The following MACROD1 variants were observed in gnomAD, a reference collection of about 807,000 sequenced individuals.
The protein encoded by MACROD1 is ADP-ribose glycohydrolase MACROD1.
MACROD1 carries 31 observed loss-of-function variants against 41.4 expected under a neutral mutation model. The observed-to-expected ratio is 0.75, with a 90% CI of 0.56 to 1.01. The LOEUF is 1.01. Ranked by LOEUF, MACROD1 falls within the 50% of genes least tolerant of loss-of-function variation. The probability of loss-of-function intolerance (pLI) is 0.00; values close to 1 mark genes in which losing one functional copy is unlikely to be tolerated. For synonymous variants in MACROD1, 252 were observed against 203.4 expected (o/e 1.24, Z -2.03); for missense variants, 473 against 460.0 (o/e 1.03, Z -0.26).
chr11:64,041,990 G>C (rs1346137149), intron 3 of MACROD1, among the ~76,000 whole-genome samples: 2 of 152,024 alleles, frequency 1.3e-5, no homozygotes, highest in African/African-American at 2.4e-5. Context: ...GGGTTCAGTG[G>C]GGGGCAGTTA....
chr11:64,073,406 C>G (rs1467247426), intron 3 of MACROD1, among the ~76,000 whole-genome samples: 2 of 152,210 alleles, frequency 1.3e-5, no homozygotes, highest in African/African-American at 4.8e-5. Context: ...TCTTTGAACC[C>G]CACTTGCAAC....
At chr11:64,134,561 A>G (rs189448001) in intron 3 of MACROD1, among the ~76,000 whole-genome samples, 3 of 152,178 alleles carry the variant, frequency 2.0e-5, no homozygotes, top group Non-Finnish European at 4.4e-5. Context: ...CCTGGCATGA[A>G]GCAAGTATTT....
At chr11:64,151,465 G>A (rs551011944) in intron 2 of MACROD1, 110 bp from the exon 3 acceptor site, 3 of 747,222 alleles carry the variant, frequency 4.0e-6, no homozygotes, top group East Asian at 5.1e-5. Context: ...CCACCTCCAG[G>A]GGCAGCCTGC....
chr11:64,060,969 G>A (rs1189977069), intron 3 of MACROD1, among the ~76,000 whole-genome samples: 1 of 151,860 alleles, frequency 6.6e-6, no homozygotes, highest in Non-Finnish European at 1.5e-5. Flanking sequence ...CTCCCGGGCC[G>A]CCAGGCGACC....
chr11:64,057,312 G>A lies in MACROD1; in HGVS notation c.518-42031C>T, dbSNP rs186139691. 1.6e-4 allele frequency among the ~76,000 whole-genome samples: 25 copies of A among 152,318 alleles called. No individual in the cohort carries two copies. In the East Asian group the frequency reaches 3.5e-3, roughly 21 times the overall value. On this transcript the variant is annotated intron_variant, in intron 3 of 10. Coordinates refer to ENST00000255681, the MANE Select transcript of MACROD1 (RefSeq NM_014067.4). Reference sequence around the variant, plus strand: ...CAGGTGGGGTCCCTCTGCTCAGGCCGCAGGGACCCCTCATCCACCCTGTAT... The same window carrying A: ...CAGGTGGGGTCCCTCTGCTCAGGCCACAGGGACCCCTCATCCACCCTGTAT...
chr11:64,139,475 G>A (rs1330749325), intron 3 of MACROD1, among the ~76,000 whole-genome samples: 1 of 152,212 alleles, frequency 6.6e-6, no homozygotes, highest in Non-Finnish European at 1.5e-5. Flanking sequence ...GCCCTGTCCA[G>A]GGACGGAGAC....
intron 3 of MACROD1, among the ~76,000 whole-genome samples, chr11:64,129,275 A>T (rs1057450317): frequency 2.0e-5 from 3 of 152,162 alleles, no homozygotes; most frequent in Admixed American, 1.3e-4. Flanking sequence ...GCCAGTTACC[A>T]CATGTGCTAC....
At chr11:64,134,946 G>A (rs1198222636) in intron 3 of MACROD1, among the ~76,000 whole-genome samples, 1 of 152,238 alleles carries the variant, frequency 6.6e-6, no homozygotes, top group Non-Finnish European at 1.5e-5. Flanking sequence ...CCCAGGGAAG[G>A]CAGAGAGATT....
intron 4 of MACROD1, among the ~76,000 whole-genome samples, chr11:64,010,004 G>A (rs1942975151): frequency 6.6e-6 from 1 of 151,942 alleles, no homozygotes; most frequent in East Asian, 1.9e-4. Flanking sequence ...CTGGGGTATT[G>A]GTTGGGGTGT....
chr11:64,003,567 A>G (rs1263828816), intron 4 of MACROD1, among the ~76,000 whole-genome samples: 1 of 152,172 alleles, frequency 6.6e-6, no homozygotes, highest in Admixed American at 6.5e-5. Flanking sequence ...AGTAGCTGGT[A>G]TGACTCACCC....
chr11:64,010,658 G>T (rs1942995833), intron 4 of MACROD1, among the ~76,000 whole-genome samples: 1 of 151,210 alleles, frequency 6.6e-6, no homozygotes, highest in Admixed American at 6.6e-5. Context: ...GGTGTTAGTT[G>T]GGGTGCTGGC....
chr11:64,141,763 G>A (rs1290240529), intron 3 of MACROD1, among the ~76,000 whole-genome samples: 3 of 152,222 alleles, frequency 2.0e-5, no homozygotes, highest in Non-Finnish European at 4.4e-5. Flanking sequence ...GGATGTGCTC[G>A]GGACACTGGG....
chr11:64,019,639 G>A (rs537001), intron 3 of MACROD1, among the ~76,000 whole-genome samples: 67,258 of 152,112 alleles, frequency 0.44, 15,308 homozygotes, highest in South Asian at 0.61. Flanking sequence ...TTCAGTGCCA[G>A]TTGGGTGCCA....
intron 3 of MACROD1, among the ~76,000 whole-genome samples, chr11:64,071,885 G>A (rs1376925946): frequency 6.6e-6 from 1 of 152,188 alleles, no homozygotes; most frequent in East Asian, 1.9e-4. Context: ...AGAGCCCTGG[G>A]AGGGCGCCTC....
chr11:64,013,170 A>G (rs1943038050), intron 4 of MACROD1, among the ~76,000 whole-genome samples: 1 of 152,164 alleles, frequency 6.6e-6, no homozygotes, highest in Admixed American at 6.5e-5. Flanking sequence ...ACAGTCTTTC[A>G]TTTTCAGGGG....
intron 3 of MACROD1, among the ~76,000 whole-genome samples, chr11:64,034,462 G>A (rs1943335579): frequency 6.6e-6 from 1 of 152,252 alleles, no homozygotes. Flanking sequence ...AAGAAGAAAG[G>A]GAGTTAAGGG....
intron 3 of MACROD1, among the ~76,000 whole-genome samples, chr11:64,106,798 T>C (rs1944770056): frequency 6.6e-6 from 1 of 152,258 alleles, no homozygotes; most frequent in African/African-American, 2.4e-5. Flanking sequence ...GTGCTGCCTC[T>C]CTTCCTTTTC....
chr11:64,016,666 C>T (rs535359798), intron 3 of MACROD1, among the ~76,000 whole-genome samples: 7 of 152,366 alleles, frequency 4.6e-5, no homozygotes, highest in Admixed American at 2.0e-4. Context: ...CCCAAAAACC[C>T]AGGGCTGCAA....
chr11:64,055,747 T>C (rs1943774047), intron 3 of MACROD1, among the ~76,000 whole-genome samples: 1 of 152,104 alleles, frequency 6.6e-6, no homozygotes, highest in Non-Finnish European at 1.5e-5. Flanking sequence ...GGCAGGGGGA[T>C]TCCCTGCTCC....
Sources: allele counts gnomAD v4.1 joint callset (sites outside exome capture counted in the v4.1 genomes callset), GRCh38; gene constraint gnomAD v4.1.1; transcripts MANE v1.5; gene names NCBI Gene and HGNC (gene_info 2026-07-23, HGNC 2026-07-21).